The following OGDH variants were observed in gnomAD, a reference collection of about 807,000 sequenced individuals.
The protein encoded by OGDH is 2-oxoglutarate dehydrogenase complex component E1.
OGDH carries 38 observed loss-of-function variants against 116.6 expected under a neutral mutation model. The ratio of observed to expected loss-of-function variants is 0.33; its 90% CI spans 0.25 to 0.43. The LOEUF (loss-of-function observed/expected upper bound fraction) is 0.43, where lower values mean the gene tolerates loss of function less well. Among genes scored for constraint, OGDH ranks in the 20% least tolerant of loss-of-function variants. The pLI, the probability that OGDH is intolerant of heterozygous loss-of-function variation, is 1.00. For synonymous variants in OGDH, 488 were observed against 533.3 expected (o/e 0.92, Z 1.17); for missense variants, 825 against 1,357.2 (o/e 0.61, Z 6.16).
intron 3 of OGDH, chr7:44,647,299 A>G: frequency 1.6e-6 from 1 of 609,472 alleles, no homozygotes; most frequent in Non-Finnish European, 2.9e-6. Flanking sequence ...AAGTTATTCC[A>G]AGACTTTTAA....
intron 2 of OGDH, among the ~76,000 whole-genome samples, chr7:44,632,622 GTTA>G (rs144811047): frequency 0.091 from 13,519 of 148,128 alleles, 1,183 homozygotes; most frequent in East Asian, 0.43. Context: ...TGTTGTTGTT[GTTA>G]TTGTTGTTTT....
intron 10 of OGDH, among the ~76,000 whole-genome samples, chr7:44,685,284 C>A (rs6969883): frequency 1.3e-5 from 2 of 152,078 alleles, no homozygotes; most frequent in African/African-American, 4.8e-5. Flanking sequence ...TTCCCTGACC[C>A]CCAGCCCCTG....
In OGDH at chr7:44,645,460, A is replaced by G. The variant is rs753343185; in HGVS notation, c.356A>G (p.Asn119Ser). The change falls in exon 3 of 23, where the codon AAC becomes AGC. Residue 119 changes from asparagine to serine, a missense_variant. Transcript: ENST00000222673. ...HAQSLVEAQP[N>S]VDKLVEDHLA... ...CAGTCCCTGGTAGAAGCACAGCCCA[A>G]CGTGGACAAGCTCGTGGAGGACCAC... 1 of 1,614,226 alleles carries G rather than the reference A, an allele frequency of 6.2e-7. No homozygotes were observed. The highest frequency in any genetic ancestry group is 8.5e-7 in the Non-Finnish European group (1 of 1,180,034).
Position 44,680,539 on chromosome 7 carries a change from TACACACACACACACAC to T in OGDH, c.1207-1161_1207-1146del, listed in dbSNP as rs56718274. 1.4e-3 allele frequency among the ~76,000 whole-genome samples: 206 copies of T among 145,952 alleles called. 3 individuals carry two copies. Among genetic ancestry groups the T allele is most frequent in the African/African-American group, 4.7e-3 (191 of 40,362 alleles). ...AATACAAACTCATAGTTTTATTGCA[TACACACACACACACAC>T]ACACACACACACACACACAGAAATA... On this transcript the variant is annotated intron_variant, in intron 9 of 22. Coordinates refer to ENST00000222673, the MANE Select transcript of OGDH (RefSeq NM_002541.4).
At chr7:44,667,101 T>C (rs1787218642) in intron 5 of OGDH, among the ~76,000 whole-genome samples, 1 of 152,030 alleles carries the variant, frequency 6.6e-6, no homozygotes, top group African/African-American at 2.4e-5. Context: ...CACACCACCA[T>C]GCCCAGCTAA....
chr7:44,611,390 T>G (rs1381784716), intron 1 of OGDH, among the ~76,000 whole-genome samples: 2 of 151,818 alleles, frequency 1.3e-5, no homozygotes, highest in African/African-American at 4.8e-5. Context: ...CACCTCAGCC[T>G]CCTGAGTAGC....
chr7:44,705,464 CTA>C (rs1454695122), intron 20 of OGDH, among the ~76,000 whole-genome samples: 1 of 152,080 alleles, frequency 6.6e-6, no homozygotes, highest in African/African-American at 2.4e-5. Flanking sequence ...AACTTTTGCC[CTA>C]TGTTTTCTTC....
At chr7:44,623,657 T>G (rs1015338546) in intron 1 of OGDH, among the ~76,000 whole-genome samples, 3 of 152,182 alleles carry the variant, frequency 2.0e-5, no homozygotes, top group Non-Finnish European at 4.4e-5. Context: ...TTTGTTTTGT[T>G]TTGTTTTGAG....
At chr7:44,659,535 A>G (rs1353363646) in intron 4 of OGDH, among the ~76,000 whole-genome samples, 1 of 152,166 alleles carries the variant, frequency 6.6e-6, no homozygotes, top group African/African-American at 2.4e-5. Context: ...AGTTTTTCAC[A>G]AGGTTTTTAT....
intron 4 of OGDH, among the ~76,000 whole-genome samples, chr7:44,664,933 T>G (rs1787115697): frequency 6.6e-6 from 1 of 152,114 alleles, no homozygotes; most frequent in Non-Finnish European, 1.5e-5. Flanking sequence ...CTTCACAGGG[T>G]CCATGCTGAA....
At chr7:44,637,734 C>T (rs935876361) in intron 2 of OGDH, among the ~76,000 whole-genome samples, 1 of 151,228 alleles carries the variant, frequency 6.6e-6, no homozygotes, top group Admixed American at 6.6e-5. Context: ...CACTTGAAAC[C>T]GGGATGGGGG....
rs1788501786 is a variant in OGDH at position 44,694,650 on chromosome 7, C to G, written c.1668+74C>G. On this transcript the variant is annotated intron_variant, in intron 12 of 22. Transcript: ENST00000222673. The surrounding 1 kb of genome is among the most constrained non-coding windows in gnomAD (Gnocchi z 4.2). Reference sequence around the variant, plus strand: ...GACTAGAAAAGGTGGGCCACAGGGCCAGTTCTCACTTTTGCCAGTTATGAG... The same window carrying G: ...GACTAGAAAAGGTGGGCCACAGGGCGAGTTCTCACTTTTGCCAGTTATGAG... The G allele has an allele frequency of 6.4e-7, 1 of 1,562,564 alleles. No individual in the cohort carries two copies. The highest frequency in any genetic ancestry group is 1.4e-5 in the African/African-American group (1 of 73,948).
At chr7:44,666,409 C>T (rs1398000245) in intron 4 of OGDH, among the ~76,000 whole-genome samples, 2 of 152,124 alleles carry the variant, frequency 1.3e-5, no homozygotes, top group African/African-American at 4.8e-5. Flanking sequence ...TTCCCACCCC[C>T]AAAATTGGTT....
At chr7:44,660,009 G>C (rs377455246) in intron 4 of OGDH, among the ~76,000 whole-genome samples, 9 of 152,214 alleles carry the variant, frequency 5.9e-5, no homozygotes, top group Non-Finnish European at 1.2e-4. Flanking sequence ...TCTAGGAATG[G>C]GAACTTAGAT....
chr7:44,621,668 T>G (rs1206829436), intron 1 of OGDH, among the ~76,000 whole-genome samples: 1 of 152,062 alleles, frequency 6.6e-6, no homozygotes, highest in Non-Finnish European at 1.5e-5. Flanking sequence ...GGTCAGGAGT[T>G]TGAGACCAGC....
In OGDH at chr7:44,707,950, G is replaced by A; in HGVS notation, c.3023G>A (p.Arg1008His). The A allele has an allele frequency of 8.1e-6, 13 of 1,613,808 alleles. No individual in the cohort carries two copies. The highest frequency in any genetic ancestry group is 1.1e-5 in the South Asian group (1 of 91,080). ...NKKTHLTELQ[R>H]LLDTAFDLDV... ...AAGACCCACCTGACGGAGCTGCAGC[G>A]CCTCCTGGACACGGCCTTCGACCTG... is the stretch of plus-strand genomic sequence containing the variant. The change falls in exon 23 of 23, where the codon CGC becomes CAC. Residue 1008 changes from arginine to histidine, a missense_variant. By Grantham distance (29) the Arg-to-His change is conservative. This residue lies in a region of OGDH where 212 missense variants were observed against 284.3 expected (regional missense o/e 0.75). Transcript: ENST00000222673. This position sits in a 1 kb window ranked among gnomAD's most constrained non-coding sequence, Gnocchi z 5.2.
At chr7:44,639,707 C>T (rs1408044934) in intron 2 of OGDH, among the ~76,000 whole-genome samples, 1 of 152,146 alleles carries the variant, frequency 6.6e-6, no homozygotes, top group East Asian at 1.9e-4. Flanking sequence ...TGGGGGCTCA[C>T]CCAGTCCTGG....
chr7:44,635,161 G>C (rs555354193), intron 2 of OGDH, among the ~76,000 whole-genome samples: 63 of 152,304 alleles, frequency 4.1e-4, no homozygotes, highest in African/African-American at 1.4e-3. Context: ...AGCAGCGCCG[G>C]CTGAACTCCA....
intron 3 of OGDH, among the ~76,000 whole-genome samples, chr7:44,645,766 T>C (rs575404230): frequency 6.6e-6 from 1 of 152,314 alleles, no homozygotes; most frequent in Non-Finnish European, 1.5e-5. Context: ...CCTTATTTCC[T>C]TTCCTTCCTT....
Sources: allele counts gnomAD v4.1 joint callset (sites outside exome capture counted in the v4.1 genomes callset), GRCh38; gene constraint gnomAD v4.1.1; regional missense constraint gnomAD v4.1.1; non-coding constraint Gnocchi (gnomAD v3.1); transcripts MANE v1.5; gene names NCBI Gene and HGNC (gene_info 2026-07-23, HGNC 2026-07-21).